The following PPFIA2 variants were observed in gnomAD, a reference collection of about 807,000 sequenced individuals.
The protein encoded by PPFIA2 is liprin-alpha-2.
Under a neutral mutation model 175.5 loss-of-function variants are expected in PPFIA2, and 46 were observed. That is an observed-to-expected ratio of 0.26 (90% confidence interval 0.21 to 0.34). The LOEUF (loss-of-function observed/expected upper bound fraction) is 0.34. PPFIA2 is among the 10% of genes least tolerant of loss of function. PPFIA2 has a pLI of 1.00. For missense variants in PPFIA2, 1,179 were observed against 1,506.1 expected (o/e 0.78, Z 3.60); for synonymous variants, 568 against 511.4 (o/e 1.11, Z -1.49).
At chr12:81,300,566 T>C (rs899034055) in intron 22 of PPFIA2, among the ~76,000 whole-genome samples, 1 of 152,142 alleles carries the variant, frequency 6.6e-6, no homozygotes, top group Non-Finnish European at 1.5e-5. Flanking sequence ...ATTTAAGTTA[T>C]AGTGGCTGAA....
intron 5 of PPFIA2, among the ~76,000 whole-genome samples, chr12:81,448,747 CT>C (rs935253026): frequency 3.9e-5 from 6 of 152,318 alleles, no homozygotes; most frequent in Admixed American, 3.9e-4. Flanking sequence ...AAAACATTCT[CT>C]TTCAGAAATC....
chr12:81,657,137 A>G (rs2153540359), intron 4 of PPFIA2, among the ~76,000 whole-genome samples: 1 of 152,322 alleles, frequency 6.6e-6, no homozygotes, highest in East Asian at 1.9e-4. Context: ...AGCTAGAACA[A>G]GTTATTTTCC....
intron 21 of PPFIA2, among the ~76,000 whole-genome samples, chr12:81,336,540 CA>C (rs991484441): frequency 6.6e-6 from 1 of 152,160 alleles, no homozygotes; most frequent in Non-Finnish European, 1.5e-5. Flanking sequence ...TGAATTACTA[CA>C]AACATCTCCT....
intron 3 of PPFIA2, among the ~76,000 whole-genome samples, chr12:81,687,253 A>G (rs183260603): frequency 6.6e-6 from 1 of 152,210 alleles, no homozygotes; most frequent in East Asian, 1.9e-4. Context: ...TTGTCATCAT[A>G]CATTTCTGAA....
intron 4 of PPFIA2, among the ~76,000 whole-genome samples, chr12:81,663,523 T>A (rs1041523849): frequency 1.4e-4 from 21 of 152,064 alleles, no homozygotes; most frequent in African/African-American, 4.3e-4. Flanking sequence ...AAACCACTGC[T>A]CAACGAAATA....
chr12:81,484,902 G>T (rs556961331), intron 4 of PPFIA2, among the ~76,000 whole-genome samples: 3 of 151,604 alleles, frequency 2.0e-5, no homozygotes, highest in Non-Finnish European at 2.9e-5. Context: ...CTTTGAATCA[G>T]TAATTCAAAG....
At chr12:81,555,930 A>G (rs1024948752) in intron 4 of PPFIA2, among the ~76,000 whole-genome samples, 2 of 151,930 alleles carry the variant, frequency 1.3e-5, no homozygotes, top group African/African-American at 4.8e-5. Context: ...GCCCATCAGG[A>G]TAATTCAGAG....
intron 3 of PPFIA2, among the ~76,000 whole-genome samples, chr12:81,681,377 C>G (rs2073596067): frequency 6.6e-6 from 1 of 151,934 alleles, no homozygotes; most frequent in African/African-American, 2.4e-5. Flanking sequence ...AAGTTCTGTT[C>G]CTGGCATGAA....
At chr12:81,432,109 TTAG>T (rs201903012) in intron 7 of PPFIA2, among the ~76,000 whole-genome samples, 1,336 of 73,316 alleles carry the variant, frequency 0.018, 22 homozygotes, top group African/African-American at 0.16. Flanking sequence ...AGATAAATAA[TTAG>T]TTTTTTAATC....
rs567093990 is a variant in PPFIA2, at chr12:81,645,301, ACTGT to A, written c.303+31486_303+31489del. ...TATTTTTCAAATATTATATTTCCTGACTGTCTGGTCCCTCAGTTCCTTCAAGACT... is the reference window on the plus strand; with the variant it reads ...TATTTTTCAAATATTATATTTCCTGACTGGTCCCTCAGTTCCTTCAAGACT... On this transcript the variant is annotated intron_variant, in intron 4 of 32. Transcript: ENST00000549396. Among the ~76,000 whole-genome samples, 3 of 152,118 alleles carry A rather than the reference ACTGT, an allele frequency of 2.0e-5. No individual in the cohort carries two copies. In the South Asian group the frequency reaches 6.2e-4, roughly 32 times the overall value.
At chr12:81,687,077 C>G (rs921964970) in intron 3 of PPFIA2, among the ~76,000 whole-genome samples, 1 of 152,008 alleles carries the variant, frequency 6.6e-6, no homozygotes, top group African/African-American at 2.4e-5. Flanking sequence ...GTTTAACACA[C>G]CCTCCAAGTG....
intron 4 of PPFIA2, among the ~76,000 whole-genome samples, chr12:81,642,314 A>C (rs2065072763): frequency 6.6e-6 from 1 of 151,974 alleles, no homozygotes; most frequent in Non-Finnish European, 1.5e-5. Context: ...ACTTCTATGC[A>C]GAGTTATGTA....
intron 14 of PPFIA2, 29 bp from the exon 15 acceptor site, chr12:81,362,813 T>G (rs1595575009): frequency 7.4e-7 from 1 of 1,351,220 alleles, no homozygotes; most frequent in East Asian, 2.5e-5. Context: ...GTTACTCAGA[T>G]GCCAGTAATA....
At chr12:81,655,587 T>C (rs1312811898) in intron 4 of PPFIA2, among the ~76,000 whole-genome samples, 3 of 152,028 alleles carry the variant, frequency 2.0e-5, no homozygotes, top group East Asian at 3.9e-4. Context: ...TTTCCAAAAA[T>C]TTTAGCACTT....
intron 4 of PPFIA2, among the ~76,000 whole-genome samples, chr12:81,569,080 T>C (rs900987988): frequency 1.3e-5 from 2 of 152,216 alleles, no homozygotes; most frequent in Non-Finnish European, 2.9e-5. Context: ...AACTATTTAA[T>C]TTAGTTATCA....
chr12:81,684,710 GC>G (rs1418737026), intron 3 of PPFIA2, among the ~76,000 whole-genome samples: 1 of 151,952 alleles, frequency 6.6e-6, no homozygotes, highest in Non-Finnish European at 1.5e-5. Context: ...CTTGAAAGAA[GC>G]TTTGAAATCC....
intron 3 of PPFIA2, among the ~76,000 whole-genome samples, chr12:81,704,057 C>G (rs1271080495): frequency 6.6e-6 from 1 of 152,146 alleles, no homozygotes; most frequent in African/African-American, 2.4e-5. Context: ...ACAAATAACA[C>G]AGACATAGGA....
chr12:81,516,936 C>T (rs962427266), intron 4 of PPFIA2, among the ~76,000 whole-genome samples: 1 of 152,048 alleles, frequency 6.6e-6, no homozygotes, highest in Admixed American at 6.6e-5. Flanking sequence ...GTGAAGTACC[C>T]CAGGAAACTA....
intron 4 of PPFIA2, among the ~76,000 whole-genome samples, chr12:81,638,543 C>G (rs1487895884): frequency 6.6e-6 from 1 of 151,806 alleles, no homozygotes; most frequent in Non-Finnish European, 1.5e-5. Context: ...AGCAATGTTT[C>G]TTTGATCAAT....
Sources: allele counts gnomAD v4.1 joint callset (sites outside exome capture counted in the v4.1 genomes callset), GRCh38; gene constraint gnomAD v4.1.1; transcripts MANE v1.5; gene names NCBI Gene and HGNC (gene_info 2026-07-23, HGNC 2026-07-21).